ZBTB7C: variants seen among roughly 807,000 people sequenced by gnomAD.
ZBTB7C encodes the protein zinc finger and BTB domain-containing protein 7C.
A neutral mutation model predicts 25.7 loss-of-function variants in ZBTB7C; 8 were observed. That is an observed-to-expected ratio of 0.31 (90% CI 0.18 to 0.56). The LOEUF is 0.56. Ranked by LOEUF, ZBTB7C falls within the 20% of genes least tolerant of loss-of-function variation. The probability of loss-of-function intolerance (pLI) is 0.91; values close to 1 mark genes in which losing one functional copy is unlikely to be tolerated. For synonymous variants in ZBTB7C, 394 were observed against 369.0 expected, an observed-to-expected ratio of 1.07 and a Z score of -0.78; for missense variants, 824 against 855.2, an observed-to-expected ratio of 0.96 and a Z score of 0.46.
intron 2 of ZBTB7C, among the ~76,000 whole-genome samples, chr18:48,272,411 GA>G (rs2044520792): frequency 6.6e-6 from 1 of 152,188 alleles, no homozygotes; most frequent in Non-Finnish European, 1.5e-5. Context: ...AAGATGACAG[GA>G]AGGGCATAAA....
At chr18:48,253,774 C>T (rs2043938912) in intron 2 of ZBTB7C, among the ~76,000 whole-genome samples, 1 of 152,180 alleles carries the variant, frequency 6.6e-6, no homozygotes, top group South Asian at 2.1e-4. Context: ...AGAAATAGTA[C>T]TGAAGTAACC....
chr18:48,124,645 C>T (rs1432761443), intron 3 of ZBTB7C, among the ~76,000 whole-genome samples: 4 of 152,138 alleles, frequency 2.6e-5, no homozygotes, highest in Non-Finnish European at 4.4e-5. Flanking sequence ...TGAGCACTCA[C>T]CCTCAGGTAG....
At chr18:48,182,435 G>A (rs751544792) in intron 3 of ZBTB7C, among the ~76,000 whole-genome samples, 2 of 152,188 alleles carry the variant, frequency 1.3e-5, no homozygotes, top group African/African-American at 2.4e-5. Flanking sequence ...GTAAGTGTCC[G>A]GTGTGAGCCC....
At chr18:48,117,373 G>T (rs2144699752) in intron 3 of ZBTB7C, among the ~76,000 whole-genome samples, 2 of 152,278 alleles carry the variant, frequency 1.3e-5, no homozygotes, top group African/African-American at 4.8e-5. Flanking sequence ...GTCTTGGATG[G>T]CTCAGGAGGT....
Position 48,029,847 on chromosome 18 carries a change from A to G in ZBTB7C, c.1273T>C (p.Cys425Arg). ...TGERPYLCIH[C>R]NAKFVHNYDL... ...TAGTTGTGCACGAACTTGGCGTTGC[A>G]GTGGATGCACAGGTAGGGCCGCTCC... is the stretch of plus-strand genomic sequence containing the variant. Residue 425 changes from cysteine (C) to arginine (R), a missense_variant, in exon 5 of 5, where the codon TGC becomes CGC. Physicochemically the swap from Cys to Arg is radical, Grantham distance 180. Transcript: ENST00000590800. 1 of 1,610,834 alleles carries G rather than the reference A, an allele frequency of 6.2e-7. No individual in the cohort carries two copies. The highest frequency in any genetic ancestry group is 8.5e-7 in the Non-Finnish European group (1 of 1,179,990).
At chr18:48,161,004 A>G (rs1432150067) in intron 3 of ZBTB7C, among the ~76,000 whole-genome samples, 2 of 150,414 alleles carry the variant, frequency 1.3e-5, no homozygotes, top group African/African-American at 4.9e-5. Context: ...GACACCTTCA[A>G]GCAAAACGCA....
intron 3 of ZBTB7C, among the ~76,000 whole-genome samples, chr18:48,119,380 C>G (rs1046429632): frequency 3.3e-5 from 5 of 152,228 alleles, no homozygotes; most frequent in African/African-American, 1.2e-4. Flanking sequence ...AGGCGCAAGC[C>G]CAGTGCAAGC....
At chr18:48,355,735 C>G (rs938837265) in intron 1 of ZBTB7C, among the ~76,000 whole-genome samples, 1 of 152,212 alleles carries the variant, frequency 6.6e-6, no homozygotes, top group South Asian at 2.1e-4. Flanking sequence ...GGAAGTCTCC[C>G]GTGCACCCCT....
intron 2 of ZBTB7C, among the ~76,000 whole-genome samples, chr18:48,216,776 C>T (rs2042834145): frequency 6.6e-6 from 1 of 152,122 alleles, no homozygotes; most frequent in Non-Finnish European, 1.5e-5. Flanking sequence ...TCCTATGGCC[C>T]CCACAGCCAC....
intron 3 of ZBTB7C, among the ~76,000 whole-genome samples, chr18:48,045,939 T>A (rs2036451578): frequency 6.6e-6 from 1 of 152,234 alleles, no homozygotes; most frequent in Non-Finnish European, 1.5e-5. Context: ...GATTGAGGCC[T>A]TCTGCCAACA....
At chr18:48,168,546 C>A (rs2041350382) in intron 3 of ZBTB7C, among the ~76,000 whole-genome samples, 1 of 152,106 alleles carries the variant, frequency 6.6e-6, no homozygotes, top group Non-Finnish European at 1.5e-5. Flanking sequence ...TATAAATGTC[C>A]ACTAACATGA....
intron 3 of ZBTB7C, among the ~76,000 whole-genome samples, chr18:48,070,358 GC>G (rs2037497645): frequency 6.6e-6 from 1 of 152,190 alleles, no homozygotes; most frequent in African/African-American, 2.4e-5. Context: ...CCAGCTGTAG[GC>G]TGGTCTCTGG....
intron 1 of ZBTB7C, among the ~76,000 whole-genome samples, chr18:48,363,312 A>C (rs2047152829): frequency 2.0e-5 from 3 of 152,160 alleles, no homozygotes; most frequent in Admixed American, 2.0e-4. Context: ...TCTAGGAGGA[A>C]GCCAGAAAAT....
intron 2 of ZBTB7C, among the ~76,000 whole-genome samples, chr18:48,310,273 T>C (rs1342633710): frequency 6.6e-6 from 1 of 152,100 alleles, no homozygotes. Flanking sequence ...ATCAAAATTT[T>C]AAAAATCACT....
At chr18:48,387,373 A>T (rs767768332) in intron 1 of ZBTB7C, among the ~76,000 whole-genome samples, 1 of 152,224 alleles carries the variant, frequency 6.6e-6, no homozygotes, top group African/African-American at 2.4e-5. Context: ...CTACCAAACC[A>T]GCCTCCACTT....
intron 1 of ZBTB7C, among the ~76,000 whole-genome samples, chr18:48,376,064 C>G (rs1276886190): frequency 1.3e-5 from 2 of 152,220 alleles, no homozygotes; most frequent in Non-Finnish European, 2.9e-5. Context: ...TGGGGTGGGA[C>G]TGGGGAATTT....
chr18:48,162,790 G>C (rs2041111160), intron 3 of ZBTB7C, among the ~76,000 whole-genome samples: 1 of 152,226 alleles, frequency 6.6e-6, no homozygotes, highest in African/African-American at 2.4e-5. Context: ...GCCCAGGGCA[G>C]TTCTCAGCAC....
intron 2 of ZBTB7C, among the ~76,000 whole-genome samples, chr18:48,307,587 C>T (rs1055577466): frequency 6.6e-6 from 1 of 152,200 alleles, no homozygotes; most frequent in South Asian, 2.1e-4. Flanking sequence ...CGGTGGCTCA[C>T]CCCTGTAATT....
chr18:48,199,527 T>C (rs2042388805), intron 2 of ZBTB7C, among the ~76,000 whole-genome samples: 1 of 152,186 alleles, frequency 6.6e-6, no homozygotes, highest in African/African-American at 2.4e-5. Context: ...CTCTTATCTC[T>C]CTGAGGACAT....
Sources: gnomAD v4.1 joint callset for allele counts (sites outside exome capture counted in the v4.1 genomes callset) on GRCh38, gnomAD v4.1.1 for gene constraint, MANE v1.5 for transcripts, NCBI Gene and HGNC (gene_info 2026-07-23, HGNC 2026-07-21) for gene names.